The following MTUS2 variants were observed in gnomAD, a reference collection of about 807,000 sequenced individuals.
MTUS2 encodes the protein microtubule associated scaffold protein 2.
Under a neutral mutation model 114.1 loss-of-function variants are expected in MTUS2, and 40 were observed. The ratio of observed to expected loss-of-function variants is 0.35; its 90% CI spans 0.27 to 0.46. The LOEUF (loss-of-function observed/expected upper bound fraction) is 0.46. Ranked by LOEUF, MTUS2 falls within the 20% of genes least tolerant of loss-of-function variation. The pLI is 1.00. For missense variants in MTUS2, 1,679 were observed against 1,705.4 expected (o/e 0.98, Z 0.27); for synonymous variants, 688 against 672.0 (o/e 1.02, Z -0.37).
intron 2 of MTUS2, among the ~76,000 whole-genome samples, chr13:28,985,837 C>T (rs929209036): frequency 6.6e-6 from 1 of 152,160 alleles, no homozygotes; most frequent in African/African-American, 2.4e-5. Context: ...CTGGATAGCC[C>T]TCTCCTGAGC....
At chr13:29,227,955 A>G (rs553414860) in intron 5 of MTUS2, among the ~76,000 whole-genome samples, 2 of 152,218 alleles carry the variant, frequency 1.3e-5, no homozygotes, top group African/African-American at 4.8e-5. Context: ...GTTTTATATT[A>G]ATAGAATTAT....
intron 2 of MTUS2, among the ~76,000 whole-genome samples, chr13:29,010,430 T>C (rs150083340): frequency 6.6e-6 from 1 of 152,168 alleles, no homozygotes; most frequent in Non-Finnish European, 1.5e-5. Context: ...TGTCCAGCAT[T>C]ACTTTATTCT....
intron 7 of MTUS2, among the ~76,000 whole-genome samples, chr13:29,325,333 G>A (rs950744700): frequency 9.2e-5 from 14 of 151,880 alleles, no homozygotes; most frequent in African/African-American, 3.4e-4. Context: ...GCTTTCGCCT[G>A]TAGTCCCAGC....
At chr13:29,347,640 A>G (rs1868834732) in intron 7 of MTUS2, among the ~76,000 whole-genome samples, 2 of 152,118 alleles carry the variant, frequency 1.3e-5, no homozygotes, top group African/African-American at 4.8e-5. Context: ...AGTGTCCTAC[A>G]ATTTGATTCA....
intron 11 of MTUS2, among the ~76,000 whole-genome samples, chr13:29,490,778 G>A (rs1385864099): frequency 6.6e-6 from 1 of 152,286 alleles, no homozygotes; most frequent in African/African-American, 2.4e-5. Flanking sequence ...TGGCAGGATG[G>A]CTGCTCGCAG....
intron 8 of MTUS2, among the ~76,000 whole-genome samples, chr13:29,407,217 G>A (rs1303883009): frequency 6.6e-6 from 1 of 152,100 alleles, no homozygotes; most frequent in East Asian, 1.9e-4. Flanking sequence ...TGGCACTCCA[G>A]CCTGGGCAAC....
chr13:29,444,944 G>A (rs1424980980), intron 9 of MTUS2, among the ~76,000 whole-genome samples: 1 of 152,188 alleles, frequency 6.6e-6, no homozygotes, highest in Non-Finnish European at 1.5e-5. Flanking sequence ...TCTCAAGTCA[G>A]CTACCCTCCT....
intron 8 of MTUS2, among the ~76,000 whole-genome samples, chr13:29,384,902 A>C (rs1872530662): frequency 6.6e-6 from 1 of 152,264 alleles, no homozygotes; most frequent in African/African-American, 2.4e-5. Context: ...CTGGTGGCCT[A>C]AAAACACCTA....
At chr13:29,360,572 C>T (rs1438667991) in intron 8 of MTUS2, among the ~76,000 whole-genome samples, 2 of 152,108 alleles carry the variant, frequency 1.3e-5, no homozygotes, top group Admixed American at 1.3e-4. Flanking sequence ...TCAGCCTCCT[C>T]CCCAACCAGA....
At chr13:29,091,744 C>G (rs1889962157) in intron 4 of MTUS2, among the ~76,000 whole-genome samples, 1 of 152,190 alleles carries the variant, frequency 6.6e-6, no homozygotes, top group South Asian at 2.1e-4. Flanking sequence ...AAGCCCTACC[C>G]CAATCTCATA....
intron 2 of MTUS2, among the ~76,000 whole-genome samples, chr13:29,020,092 C>T (rs976773761): frequency 1.3e-5 from 2 of 152,180 alleles, no homozygotes; most frequent in Admixed American, 6.5e-5. Context: ...CAGGGGAAGC[C>T]ACTTAGAAGA....
chr13:29,472,094 G>T (rs4769748), intron 9 of MTUS2, among the ~76,000 whole-genome samples: 5 of 151,956 alleles, frequency 3.3e-5, no homozygotes, highest in Non-Finnish European at 5.9e-5. Flanking sequence ...GCATGATCTC[G>T]GCTCACTGTA....
intron 2 of MTUS2, among the ~76,000 whole-genome samples, chr13:28,863,315 G>A (rs560625066): frequency 6.6e-5 from 10 of 152,232 alleles, no homozygotes; most frequent in East Asian, 3.9e-4. Context: ...AAATCCAGAC[G>A]CTTTTCTGTT....
At chr13:29,353,694 A>G (rs961132460) in intron 7 of MTUS2, among the ~76,000 whole-genome samples, 2 of 152,236 alleles carry the variant, frequency 1.3e-5, no homozygotes, top group African/African-American at 4.8e-5. Flanking sequence ...CTTATTAGGC[A>G]GGTACTGATC....
intron 2 of MTUS2, among the ~76,000 whole-genome samples, chr13:28,975,370 G>A (rs1884041313): frequency 6.6e-6 from 1 of 152,124 alleles, no homozygotes; most frequent in African/African-American, 2.4e-5. Context: ...GTCTTTGCCC[G>A]GCCCTGAAGT....
chr13:29,066,946 G>A (rs1411356422), intron 4 of MTUS2, among the ~76,000 whole-genome samples: 1 of 152,178 alleles, frequency 6.6e-6, no homozygotes, highest in African/African-American at 2.4e-5. Flanking sequence ...CTGAGCATGG[G>A]CAAAGGTAGA....
chr13:29,185,858 A>AC (rs1223046077), intron 5 of MTUS2, among the ~76,000 whole-genome samples: 1 of 152,042 alleles, frequency 6.6e-6, no homozygotes, highest in Non-Finnish European at 1.5e-5. Flanking sequence ...AATAAAAAGG[A>AC]CATTATAGAA....
chr13:29,282,362 C>T (rs900883746), intron 6 of MTUS2, among the ~76,000 whole-genome samples: 4 of 152,220 alleles, frequency 2.6e-5, no homozygotes, highest in African/African-American at 9.6e-5. Flanking sequence ...GCTCTAGAGC[C>T]ACACTGGGCC....
intron 2 of MTUS2, among the ~76,000 whole-genome samples, chr13:28,987,722 GA>G (rs1174871149): frequency 1.3e-5 from 2 of 152,118 alleles, no homozygotes; most frequent in Non-Finnish European, 2.9e-5. Flanking sequence ...ATTTTTATGT[GA>G]AATGTGCCAA....
Sources: gnomAD v4.1 joint callset for allele counts (sites outside exome capture counted in the v4.1 genomes callset) on GRCh38, gnomAD v4.1.1 for gene constraint, MANE v1.5 for transcripts, NCBI Gene and HGNC (gene_info 2026-07-23, HGNC 2026-07-21) for gene names.